Variants in INPP4B observed in about 807,000 individuals in gnomAD.
INPP4B encodes inositol polyphosphate 4-phosphatase type II.
INPP4B carries 55 observed loss-of-function variants against 122.5 expected under a neutral mutation model. That is an observed-to-expected ratio of 0.45 (90% confidence interval 0.36 to 0.56). The LOEUF (loss-of-function observed/expected upper bound fraction) is 0.56, where lower values mean the gene tolerates loss of function less well. INPP4B is among the 20% of genes least tolerant of loss of function. INPP4B has a pLI of 0.00. For synonymous variants in INPP4B, 403 were observed against 388.7 expected (o/e 1.04, Z -0.43); for missense variants, 1,000 against 1,097.7 (o/e 0.91, Z 1.26).
intron 1 of INPP4B, among the ~76,000 whole-genome samples, chr4:142,837,598 G>A (rs1035224079): frequency 1.3e-5 from 2 of 152,020 alleles, no homozygotes; most frequent in African/African-American, 4.8e-5. Context: ...TATAAGAAGG[G>A]CTCAATAAAT....
intron 9 of INPP4B, among the ~76,000 whole-genome samples, chr4:142,294,803 C>T (rs1431763185): frequency 9.1e-5 from 11 of 120,710 alleles, no homozygotes; most frequent in Admixed American, 6.6e-4. Context: ...GCACTCCAGC[C>T]CGGGCGACAG....
At chr4:142,227,872 A>AG (rs1387648543) in intron 12 of INPP4B, among the ~76,000 whole-genome samples, 3 of 150,250 alleles carry the variant, frequency 2.0e-5, no homozygotes, top group East Asian at 1.9e-4. Context: ...AAAAAAAAAA[A>AG]AAAAAAAAGA....
At chr4:142,545,808 C>CAT (rs1208267611) in intron 2 of INPP4B, among the ~76,000 whole-genome samples, 3 of 80,166 alleles carry the variant, frequency 3.7e-5, no homozygotes, top group Non-Finnish European at 8.8e-5. Context: ...TATATATACA[C>CAT]ATATACATGT....
intron 2 of INPP4B, among the ~76,000 whole-genome samples, chr4:142,593,426 A>G (rs1580452021): frequency 6.6e-6 from 1 of 151,956 alleles, no homozygotes; most frequent in Non-Finnish European, 1.5e-5. Context: ...ATCAGCCCCC[A>G]CTTGACCTTT....
chr4:142,276,194 TACTTCC>T (rs1468949356), intron 9 of INPP4B, among the ~76,000 whole-genome samples: 3 of 151,900 alleles, frequency 2.0e-5, no homozygotes, highest in Non-Finnish European at 4.4e-5. Context: ...CTGAAGAACC[TACTTCC>T]CTTCCTCCAG....
chr4:142,165,272 CCTCA>C (rs1286785896), intron 16 of INPP4B, among the ~76,000 whole-genome samples: 2 of 151,468 alleles, frequency 1.3e-5, no homozygotes, highest in African/African-American at 2.4e-5. Context: ...TCTGAATTAT[CCTCA>C]CTAACGCCTA....
intron 9 of INPP4B, among the ~76,000 whole-genome samples, chr4:142,294,311 C>G (rs1367910318): frequency 1.2e-5 from 1 of 84,748 alleles, no homozygotes; most frequent in African/African-American, 3.3e-5. Flanking sequence ...TGAGCTCTGA[C>G]ATCCTTTTTC....
rs114793775 is a variant in INPP4B at position 142,546,759 on chromosome 4, G to A, written c.-190-84033C>T. Among the ~76,000 whole-genome samples the A allele has an allele frequency of 2.7e-3, 415 of 152,192 alleles. 1 individual carries two copies. Among genetic ancestry groups the A allele is most frequent in the African/African-American group, 9.4e-3 (392 of 41,538 alleles). On this transcript the variant is annotated intron_variant, in intron 2 of 25. Transcript: ENST00000262992. ...AAAAGTCCCACCATTCAACATTAAC[G>A]CAACTTGGACAAAATACATATTTGA...
chr4:142,571,768 T>C (rs1165557845), intron 2 of INPP4B, among the ~76,000 whole-genome samples: 3 of 152,156 alleles, frequency 2.0e-5, no homozygotes, highest in South Asian at 2.1e-4. Context: ...TCAATTTGAA[T>C]AAGATTATTC....
At chr4:142,760,335 C>T (rs564558201) in intron 1 of INPP4B, among the ~76,000 whole-genome samples, 37 of 152,102 alleles carry the variant, frequency 2.4e-4, no homozygotes, top group African/African-American at 8.4e-4. Flanking sequence ...TTTTAACTAA[C>T]AAAAGAGATT....
intron 2 of INPP4B, among the ~76,000 whole-genome samples, chr4:142,521,035 A>C (rs1826007399): frequency 6.6e-6 from 1 of 151,966 alleles, no homozygotes; most frequent in Non-Finnish European, 1.5e-5. Flanking sequence ...CCTACACAAT[A>C]ATTTCTCAGA....
At chr4:142,555,400 G>A (rs1199011617) in intron 2 of INPP4B, among the ~76,000 whole-genome samples, 8 of 152,244 alleles carry the variant, frequency 5.3e-5, no homozygotes, top group African/African-American at 1.9e-4. Context: ...GAGAAAAGAG[G>A]CAAACATGAA....
At chr4:142,587,578 A>G (rs1458645687) in intron 2 of INPP4B, among the ~76,000 whole-genome samples, 1 of 152,156 alleles carries the variant, frequency 6.6e-6, no homozygotes, top group Non-Finnish European at 1.5e-5. Context: ...GTATATACTT[A>G]TGGGTTACAT....
chr4:142,599,090 A>G (rs1275748569), intron 2 of INPP4B, among the ~76,000 whole-genome samples: 2 of 152,142 alleles, frequency 1.3e-5, no homozygotes, highest in African/African-American at 2.4e-5. Flanking sequence ...AGCCACTGCC[A>G]ATACCAGTAA....
intron 24 of INPP4B, among the ~76,000 whole-genome samples, chr4:142,083,429 CTT>C (rs1724489292): frequency 6.6e-6 from 1 of 152,134 alleles, no homozygotes; most frequent in African/African-American, 2.4e-5. Context: ...CATTCCATTC[CTT>C]TGTCTTCTAT....
At chr4:142,044,017 G>A (rs1439179430) in intron 25 of INPP4B, among the ~76,000 whole-genome samples, 2 of 151,968 alleles carry the variant, frequency 1.3e-5, no homozygotes, top group African/African-American at 2.4e-5. Flanking sequence ...AGACTAGGAA[G>A]ATACAGATTC....
chr4:142,195,532 C>G (rs2636687), intron 14 of INPP4B, among the ~76,000 whole-genome samples: 133,344 of 152,214 alleles, frequency 0.88, 59,204 homozygotes, highest in East Asian at 0.96. Context: ...TAGTTTCATG[C>G]GGGTATGCCT....
intron 2 of INPP4B, among the ~76,000 whole-genome samples, chr4:142,574,830 C>A (rs1337874426): frequency 1.3e-5 from 2 of 152,062 alleles, no homozygotes; most frequent in Non-Finnish European, 2.9e-5. Context: ...TTCAGCTGCA[C>A]AGCTCCCTAA....
intron 25 of INPP4B, among the ~76,000 whole-genome samples, chr4:142,047,504 C>T (rs1752205012): frequency 6.6e-6 from 1 of 151,890 alleles, no homozygotes; most frequent in South Asian, 2.1e-4. Flanking sequence ...CTGGTCCAAC[C>T]CCTTCATTTT....
Sources: gnomAD v4.1 joint callset for allele counts (sites outside exome capture counted in the v4.1 genomes callset) on GRCh38, gnomAD v4.1.1 for gene constraint, MANE v1.5 for transcripts, NCBI Gene and HGNC (gene_info 2026-07-23, HGNC 2026-07-21) for gene names.